Variants in STON2 observed in about 807,000 individuals in gnomAD.
STON2 encodes the protein stonin 2, also known as stonin-2.
In STON2, 29 loss-of-function variants were observed where a neutral mutation model predicts 65.7. The observed-to-expected ratio is 0.44, with a 90% CI of 0.33 to 0.60. STON2 has a LOEUF of 0.60. Ranked by LOEUF, STON2 falls within the 20% of genes least tolerant of loss-of-function variation. The pLI is 0.03. For synonymous variants in STON2, 404 were observed against 414.2 expected, an observed-to-expected ratio of 0.98 and a Z score of 0.30; for missense variants, 1,054 against 1,118.1, an observed-to-expected ratio of 0.94 and a Z score of 0.82.
intron 4 of STON2, among the ~76,000 whole-genome samples, chr14:81,362,828 A>G (rs11628716): frequency 0.39 from 58,976 of 151,994 alleles, 11,761 homozygotes; most frequent in South Asian, 0.58. Context: ...AATCCACTGT[A>G]TAATTTCAAT....
At chr14:81,329,226 C>T (rs936167429) in intron 4 of STON2, among the ~76,000 whole-genome samples, 1 of 151,970 alleles carries the variant, frequency 6.6e-6, no homozygotes. Flanking sequence ...GAGGCCGAGG[C>T]GGGCAGATCA....
intron 3 of STON2, among the ~76,000 whole-genome samples, chr14:81,390,530 C>T (rs1374323981): frequency 6.6e-6 from 1 of 152,214 alleles, no homozygotes; most frequent in Non-Finnish European, 1.5e-5. Flanking sequence ...CGCCACTGCA[C>T]TCCAGAGCCT....
chr14:81,434,740 C>T (rs972432481), intron 1 of STON2, among the ~76,000 whole-genome samples: 4 of 152,006 alleles, frequency 2.6e-5, no homozygotes, highest in Non-Finnish European at 4.4e-5. Context: ...CAAGCAGGTC[C>T]GCTACATGTC....
chr14:81,283,107 C>T (rs575356095), intron 5 of STON2, among the ~76,000 whole-genome samples: 1 of 152,306 alleles, frequency 6.6e-6, no homozygotes, highest in Admixed American at 6.5e-5. Flanking sequence ...TCTCAGTCTA[C>T]ACCACAGGGA....
upstream of STON2, among the ~76,000 whole-genome samples, chr14:81,404,256 T>C (rs180706192): frequency 6.6e-6 from 1 of 152,320 alleles, no homozygotes; most frequent in African/African-American, 2.4e-5. Flanking sequence ...ACACTAGACA[T>C]AGGGACTACT....
intron 3 of STON2, among the ~76,000 whole-genome samples, chr14:81,378,890 T>C (rs1899381449): frequency 1.3e-5 from 2 of 152,186 alleles, no homozygotes; most frequent in South Asian, 4.1e-4. Flanking sequence ...TTATTCATGG[T>C]AGTAATTTTT....
At chr14:81,269,001 GT>G (rs1335645759) in intron 7 of STON2, among the ~76,000 whole-genome samples, 3 of 152,024 alleles carry the variant, frequency 2.0e-5, no homozygotes, top group Non-Finnish European at 4.4e-5. Flanking sequence ...CTCAATACTT[GT>G]TTTTTTCTTT....
At chr14:81,393,110 T>A (rs891922670) in intron 3 of STON2, among the ~76,000 whole-genome samples, 8 of 152,176 alleles carry the variant, frequency 5.3e-5, no homozygotes, top group Non-Finnish European at 1.0e-4. Context: ...AGTCACAAGA[T>A]AAGATCCTCA....
At chr14:81,334,704 C>T (rs925005947) in intron 4 of STON2, among the ~76,000 whole-genome samples, 5 of 152,112 alleles carry the variant, frequency 3.3e-5, no homozygotes, top group Admixed American at 6.5e-5. Flanking sequence ...AAACTACTGG[C>T]AATCCCAAGG....
chr14:81,417,538 A>T (rs1377835726), intron 2 of STON2, among the ~76,000 whole-genome samples: 1 of 152,234 alleles, frequency 6.6e-6, no homozygotes, highest in Non-Finnish European at 1.5e-5. Context: ...AGGTAAGGGC[A>T]GAGAAGACCT....
intron 5 of STON2, among the ~76,000 whole-genome samples, chr14:81,290,156 ACTTATT>A (rs2140153363): frequency 6.6e-6 from 1 of 152,296 alleles, no homozygotes; most frequent in East Asian, 1.9e-4. Flanking sequence ...ACCTATGCCT[ACTTATT>A]CTGAGAGTGG....
intron 7 of STON2, chr14:81,269,634 A>G: frequency 1.0e-6 from 1 of 985,324 alleles, no homozygotes. Flanking sequence ...TCCTTTTGGT[A>G]GTTAAATATT....
intron 5 of STON2, among the ~76,000 whole-genome samples, chr14:81,302,476 T>C (rs1312508649): frequency 2.0e-5 from 3 of 152,240 alleles, no homozygotes; most frequent in Non-Finnish European, 4.4e-5. Flanking sequence ...AAAGCATTTA[T>C]GCAACAACTC....
chr14:81,339,324 G>A (rs1205506159), intron 4 of STON2, among the ~76,000 whole-genome samples: 3 of 152,138 alleles, frequency 2.0e-5, no homozygotes, highest in Non-Finnish European at 4.4e-5. Flanking sequence ...AAGAAGTCAG[G>A]GTTTAGGCAG....
chr14:81,262,649 C>G lies in STON2; in HGVS notation c.*5765G>C. ...TCTCCAGGCACTACCAAACTCATTA[C>G]TGTGGATAGTTTCTGCCTTTACAGG... On this transcript the variant is annotated 3_prime_UTR_variant, in exon 8 of 8. Transcript: ENST00000614646. 1 of 985,198 alleles carries G rather than the reference C, an allele frequency of 1.0e-6. No homozygotes were observed. Among genetic ancestry groups the G allele is most frequent in the Non-Finnish European group, 1.2e-6 (1 of 829,850 alleles). 61.0% of individuals were successfully genotyped at this position (985,198 alleles called of 1,614,324 possible).
intron 4 of STON2, among the ~76,000 whole-genome samples, chr14:81,353,715 C>A (rs556749045): frequency 1.2e-4 from 19 of 152,266 alleles, no homozygotes; most frequent in African/African-American, 4.6e-4. Flanking sequence ...AGTAAGCCCA[C>A]GGTCATTTCA....
intron 3 of STON2, among the ~76,000 whole-genome samples, chr14:81,390,849 T>G (rs1900046722): frequency 6.6e-6 from 1 of 152,232 alleles, no homozygotes; most frequent in Non-Finnish European, 1.5e-5. Flanking sequence ...TCAGCAGAAC[T>G]GCACTCCCCG....
intron 5 of STON2, among the ~76,000 whole-genome samples, chr14:81,304,732 AAAGG>A (rs1896107479): frequency 6.6e-6 from 1 of 152,236 alleles, no homozygotes; most frequent in Non-Finnish European, 1.5e-5. Flanking sequence ...TCACAGGAAA[AAAGG>A]AAGGAAGGGA....
At chr14:81,341,188 G>A (rs1321476242) in intron 4 of STON2, among the ~76,000 whole-genome samples, 1 of 151,950 alleles carries the variant, frequency 6.6e-6, no homozygotes, top group Non-Finnish European at 1.5e-5. Flanking sequence ...ATTTTCTTAG[G>A]CCAAGTTCAC....
Sources: allele counts gnomAD v4.1 joint callset (sites outside exome capture counted in the v4.1 genomes callset), GRCh38; gene constraint gnomAD v4.1.1; transcripts MANE v1.5; gene names NCBI Gene and HGNC (gene_info 2026-07-23, HGNC 2026-07-21).